The following HS6ST2 variants were observed in gnomAD, a reference collection of about 807,000 sequenced individuals.
HS6ST2 encodes heparan-sulfate 6-O-sulfotransferase 2.
Under a neutral mutation model 33.0 loss-of-function variants are expected in HS6ST2, and 17 were observed. The observed-to-expected ratio is 0.52, with a 90% CI of 0.35 to 0.77. The LOEUF (loss-of-function observed/expected upper bound fraction) is 0.77, where lower values mean the gene tolerates loss of function less well. HS6ST2 is among the 30% of genes least tolerant of loss of function. The pLI is 0.01. For synonymous variants in HS6ST2, 248 were observed against 237.1 expected, an observed-to-expected ratio of 1.05 and a Z score of -0.42; for missense variants, 519 against 551.7, an observed-to-expected ratio of 0.94 and a Z score of 0.59.
chrX:132,797,266 G>A (rs1404710476), intron 2 of HS6ST2, among the ~76,000 whole-genome samples: 2 of 111,695 alleles, frequency 1.8e-5, no homozygotes, highest in African/African-American at 6.5e-5. Context: ...GAAGTTGATG[G>A]GAAGATGCGA....
At chrX:132,948,975 T>A (rs189741119) in intron 2 of HS6ST2, among the ~76,000 whole-genome samples, 9 of 112,086 alleles carry the variant, frequency 8.0e-5, no homozygotes, top group Admixed American at 2.8e-4. Flanking sequence ...CCTCACTATA[T>A]GTGCATAGAG....
At chrX:132,760,060 G>C (rs780167270) in intron 2 of HS6ST2, among the ~76,000 whole-genome samples, 14 of 111,741 alleles carry the variant, frequency 1.3e-4, no homozygotes, top group Non-Finnish European at 2.4e-4. Context: ...ATGTGTAGGT[G>C]ATCAATCAGT....
At chrX:132,894,298 G>A (rs1335752881) in intron 2 of HS6ST2, among the ~76,000 whole-genome samples, 8 of 105,855 alleles carry the variant, frequency 7.6e-5, no homozygotes, top group South Asian at 4.4e-4. Context: ...GCGCCACCAC[G>A]CCCGGCTGAT....
At chrX:132,661,696 G>A (rs1005950145) in intron 4 of HS6ST2, among the ~76,000 whole-genome samples, 1 of 111,918 alleles carries the variant, frequency 8.9e-6, no homozygotes, top group Non-Finnish European at 1.9e-5. Flanking sequence ...TTTATAGACC[G>A]ATTCTAAAAT....
chrX:132,775,988 A>T (rs890848405), intron 2 of HS6ST2, among the ~76,000 whole-genome samples: 2 of 111,774 alleles, frequency 1.8e-5, no homozygotes, highest in Admixed American at 9.6e-5. Flanking sequence ...GATGCTGATT[A>T]TGTGGAGTTC....
chrX:132,744,109 A>C (rs1386081053), intron 2 of HS6ST2, among the ~76,000 whole-genome samples: 1 of 111,981 alleles, frequency 8.9e-6, no homozygotes, highest in Non-Finnish European at 1.9e-5. Flanking sequence ...ATTTTATAAG[A>C]ATCATCAATG....
rs759887318 is a variant in HS6ST2 at position 132,708,531 on chromosome X, G to A, written c.948-37C>T. 10 of 1,128,009 alleles carry A rather than the reference G, an allele frequency of 8.9e-6. No homozygotes were observed. In the South Asian group the frequency reaches 1.9e-4, roughly 22 times the overall value. The allele number at this position is 1,128,009 out of a possible 1,213,427, so 93.0% of individuals were successfully genotyped here. A position where few individuals can be genotyped will look rare whatever the true frequency, so the allele number is the denominator to read the frequency against. ...ACAGTAAAACCAGTCGCTAGCAAGA[G>A]CTTGGTAGGAGAGGAGATAAAATAA... On this transcript the variant is annotated intron_variant, in intron 2 of 4. Transcript: ENST00000370833.
intron 4 of HS6ST2, among the ~76,000 whole-genome samples, chrX:132,647,631 G>A (rs903928899): frequency 7.1e-5 from 8 of 112,244 alleles, no homozygotes; most frequent in African/African-American, 2.6e-4. Flanking sequence ...TATACCCATT[G>A]GCTTTATTCT....
chrX:132,935,333 T>C (rs2066812895), intron 2 of HS6ST2, among the ~76,000 whole-genome samples: 4 of 111,310 alleles, frequency 3.6e-5, no homozygotes. Context: ...TTCTCCAGGA[T>C]AGAGCATATG....
chrX:132,820,685 C>T (rs1176946471), intron 2 of HS6ST2, among the ~76,000 whole-genome samples: 2 of 111,211 alleles, frequency 1.8e-5, no homozygotes, highest in Non-Finnish European at 3.8e-5. Flanking sequence ...GGTGTATAAG[C>T]GTGAATGCTC....
rs182564033 is a variant in HS6ST2 at position 132,941,012 on chromosome X, C to G, written c.947+15796G>C. On this transcript the variant is annotated intron_variant, in intron 2 of 4. Transcript: ENST00000370833. Reference sequence around the variant, plus strand: ...AGTCCTTGGACACTGAAGCCATAATCTTCCTACAATGAATAATGGTTACAT... The same window carrying G: ...AGTCCTTGGACACTGAAGCCATAATGTTCCTACAATGAATAATGGTTACAT... Among the ~76,000 whole-genome samples, 24 of 111,936 alleles carry G rather than the reference C, an allele frequency of 2.1e-4. No homozygotes were observed. In the Admixed American group the frequency reaches 2.3e-3, roughly 11 times the overall value.
rs1036109570 is a variant in HS6ST2 at position 132,899,956 on chromosome X, GA to G, written c.947+56851del. Among the ~76,000 whole-genome samples, 9 of 106,531 alleles carry G rather than the reference GA, an allele frequency of 8.4e-5. No individual in the cohort carries two copies. The East Asian group carries it at 8.7e-4, about 10-fold the overall frequency. 92.5% of individuals were successfully genotyped at this position (106,531 alleles called of 115,157 possible). ...CTGACACCTTATCATTCTATTTACA[GA>G]AAAAAAAAACTGTCTTTCAAAAATT... is the stretch of plus-strand genomic sequence containing the variant. On this transcript the variant is annotated intron_variant, in intron 2 of 4. Transcript: ENST00000370833.
intron 2 of HS6ST2, among the ~76,000 whole-genome samples, chrX:132,776,992 G>A (rs1922745733): frequency 9.3e-6 from 1 of 107,532 alleles, no homozygotes; most frequent in South Asian, 4.3e-4. Flanking sequence ...TTACACCAGT[G>A]GTTTGCAGTA....
At chrX:132,757,651 T>A (rs778105061) in intron 2 of HS6ST2, among the ~76,000 whole-genome samples, 30 of 110,889 alleles carry the variant, frequency 2.7e-4, no homozygotes, top group Non-Finnish European at 5.1e-4. Flanking sequence ...ACGTGCAACT[T>A]CCCTTGCACC....
At chrX:132,920,296 G>C (rs1439711042) in intron 2 of HS6ST2, among the ~76,000 whole-genome samples, 1 of 110,244 alleles carries the variant, frequency 9.1e-6, no homozygotes, top group Non-Finnish European at 1.9e-5. Context: ...CCTGGTCCTG[G>C]AAGTGTGTCA....
intron 4 of HS6ST2, among the ~76,000 whole-genome samples, chrX:132,652,582 A>G (rs1263339914): frequency 4.5e-5 from 5 of 111,789 alleles, no homozygotes; most frequent in African/African-American, 1.6e-4. Context: ...TATGCCAAAA[A>G]TACAGGGAAA....
intron 2 of HS6ST2, among the ~76,000 whole-genome samples, chrX:132,754,677 A>T (rs2064740920): frequency 9.2e-6 from 1 of 108,666 alleles, no homozygotes; most frequent in African/African-American, 3.4e-5. Context: ...CGGCCTCCCA[A>T]AGTGCTGGGA....
At chrX:132,960,128 G>T (rs2067133106), upstream of HS6ST2, among the ~76,000 whole-genome samples, 1 of 112,282 alleles carries the variant, frequency 8.9e-6, no homozygotes, top group Non-Finnish European at 1.9e-5. Context: ...GTGCGAAGAA[G>T]CCAGATGCAG....
In HS6ST2 at chrX:132,626,872, C is replaced by T. The variant is rs1175446953; in HGVS notation, c.*1351G>A. 8.9e-6 allele frequency: 1 copy of T among 111,991 alleles called. No individual in the cohort carries two copies. Among genetic ancestry groups the T allele is most frequent in the Non-Finnish European group, 1.9e-5 (1 of 53,186 alleles). The allele number at this position is 111,991 out of a possible 1,213,427, so 9.2% of individuals were successfully genotyped here. A position where few individuals can be genotyped will look rare whatever the true frequency, so the allele number is the denominator to read the frequency against. On this transcript the variant is annotated 3_prime_UTR_variant, in exon 5 of 5. Transcript: ENST00000370833. ...AGTATTTTTGCATCGACTTACACTA[C>T]CAAATTACTCTGCTCAACTCATATG...
Sources: allele counts gnomAD v4.1 joint callset (sites outside exome capture counted in the v4.1 genomes callset), GRCh38; gene constraint gnomAD v4.1.1; transcripts MANE v1.5; gene names NCBI Gene and HGNC (gene_info 2026-07-23, HGNC 2026-07-21).